RIMS2: variants seen among roughly 807,000 people sequenced by gnomAD.
RIMS2 encodes regulating synaptic membrane exocytosis protein 2.
In RIMS2, 59 loss-of-function variants were observed where a neutral mutation model predicts 174.4. The ratio of observed to expected loss-of-function variants is 0.34; its 90% CI spans 0.27 to 0.42. RIMS2 has a LOEUF of 0.42. Ranked by LOEUF, RIMS2 falls within the 10% of genes least tolerant of loss-of-function variation. The probability of loss-of-function intolerance (pLI) is 1.00; values close to 1 mark genes in which losing one functional copy is unlikely to be tolerated. For missense variants in RIMS2, 1,620 were observed against 1,666.3 expected, an observed-to-expected ratio of 0.97 and a Z score of 0.48; for synonymous variants, 606 against 572.5, an observed-to-expected ratio of 1.06 and a Z score of -0.84.
At chr8:104,081,145 T>TTTTA (rs2097410708) in intron 19 of RIMS2, among the ~76,000 whole-genome samples, 1 of 152,046 alleles carries the variant, frequency 6.6e-6, no homozygotes, top group African/African-American at 2.4e-5. Flanking sequence ...GATTTTATGA[T>TTTTA]TGGCCATTTT....
chr8:104,188,022 C>A (rs947712648), intron 19 of RIMS2, among the ~76,000 whole-genome samples: 4 of 151,652 alleles, frequency 2.6e-5, no homozygotes, highest in Non-Finnish European at 4.4e-5. Flanking sequence ...AGTTGGGCTG[C>A]AGATATAACA....
chr8:103,762,718 G>C (rs946894416), intron 2 of RIMS2, among the ~76,000 whole-genome samples: 1 of 152,120 alleles, frequency 6.6e-6, no homozygotes, highest in African/African-American at 2.4e-5. Flanking sequence ...TACAGCCCAA[G>C]AAGTGCATCA....
intron 3 of RIMS2, among the ~76,000 whole-genome samples, chr8:103,884,687 ATTAT>A (rs2099189372): frequency 6.6e-6 from 1 of 151,920 alleles, no homozygotes; most frequent in Non-Finnish European, 1.5e-5. Flanking sequence ...ATAAATCATT[ATTAT>A]TTGTCTATTT....
At chr8:103,820,301 T>C (rs1228118963) in intron 3 of RIMS2, among the ~76,000 whole-genome samples, 1 of 152,048 alleles carries the variant, frequency 6.6e-6, no homozygotes, top group Non-Finnish European at 1.5e-5. Context: ...GGAATGCAGT[T>C]TTATCATCCA....
intron 3 of RIMS2, among the ~76,000 whole-genome samples, chr8:103,806,746 T>C (rs767754124): frequency 2.6e-5 from 4 of 151,932 alleles, no homozygotes; most frequent in Non-Finnish European, 5.9e-5. Context: ...ACTAGAATTA[T>C]AGTAGTGAGA....
intron 1 of RIMS2, among the ~76,000 whole-genome samples, chr8:103,573,707 A>T (rs990566293): frequency 4.6e-5 from 7 of 151,720 alleles, no homozygotes; most frequent in Non-Finnish European, 1.0e-4. Context: ...TCTTTTTTGG[A>T]TCCATATGAA....
intron 1 of RIMS2, among the ~76,000 whole-genome samples, chr8:103,612,977 G>A (rs1355980170): frequency 3.3e-5 from 5 of 152,138 alleles, no homozygotes; most frequent in Non-Finnish European, 7.4e-5. Flanking sequence ...TTGTGGCTAC[G>A]ACCACTGATA....
At chr8:103,906,183 T>C (rs1429648559) in intron 4 of RIMS2, among the ~76,000 whole-genome samples, 1 of 152,200 alleles carries the variant, frequency 6.6e-6, no homozygotes, top group Non-Finnish European at 1.5e-5. Flanking sequence ...GACACTAATT[T>C]TACTTATTCA....
intron 1 of RIMS2, chr8:103,568,853 T>G (rs185981014): frequency 2.6e-6 from 3 of 1,158,722 alleles, no homozygotes; most frequent in East Asian, 5.3e-5. Context: ...CTGGCTGGTC[T>G]TTGTTAATTG....
chr8:104,082,988 A>C (rs1264920556), intron 19 of RIMS2, among the ~76,000 whole-genome samples: 1 of 152,150 alleles, frequency 6.6e-6, no homozygotes, highest in Non-Finnish European at 1.5e-5. Context: ...TAGTAGTCCA[A>C]GCAAGAGGTA....
intron 19 of RIMS2, among the ~76,000 whole-genome samples, chr8:104,057,387 C>T (rs1026138157): frequency 1.2e-4 from 18 of 151,828 alleles, no homozygotes; most frequent in Non-Finnish European, 2.9e-5. Context: ...TTTTTAATAT[C>T]GAAACCTAAA....
chr8:104,164,789 T>G (rs1320172815), intron 19 of RIMS2, among the ~76,000 whole-genome samples: 1 of 152,058 alleles, frequency 6.6e-6, no homozygotes, highest in Non-Finnish European at 1.5e-5. Context: ...CAACACACAC[T>G]GGGGTGTGTC....
intron 13 of RIMS2, among the ~76,000 whole-genome samples, chr8:103,938,529 T>C (rs986094593): frequency 6.6e-6 from 1 of 152,020 alleles, no homozygotes; most frequent in Non-Finnish European, 1.5e-5. Context: ...AAGAGGAGAT[T>C]TGGGTGGGGA....
At chr8:103,613,776 T>C (rs1318127682) in intron 1 of RIMS2, among the ~76,000 whole-genome samples, 1 of 152,108 alleles carries the variant, frequency 6.6e-6, no homozygotes, top group Non-Finnish European at 1.5e-5. Flanking sequence ...CCAAAGCTAG[T>C]ACTGGATTCT....
intron 1 of RIMS2, among the ~76,000 whole-genome samples, chr8:103,606,453 G>T (rs1257746186): frequency 2.6e-5 from 4 of 152,032 alleles, no homozygotes; most frequent in African/African-American, 7.3e-5. Context: ...AGTGTGGTGT[G>T]GTGCTGAAAA....
intron 11 of RIMS2, among the ~76,000 whole-genome samples, chr8:103,929,799 G>A (rs1228367336): frequency 1.3e-5 from 2 of 151,792 alleles, no homozygotes; most frequent in African/African-American, 4.8e-5. Flanking sequence ...CTGTATCTAT[G>A]TTCTAATATT....
chr8:103,558,045 A>G (rs2090833980), intron 1 of RIMS2, among the ~76,000 whole-genome samples: 1 of 152,192 alleles, frequency 6.6e-6, no homozygotes, highest in Non-Finnish European at 1.5e-5. Context: ...AAAGGTGCAT[A>G]AAGTACCTTT....
At chr8:104,064,774 A>G (rs1187252136) in intron 19 of RIMS2, among the ~76,000 whole-genome samples, 4 of 152,038 alleles carry the variant, frequency 2.6e-5, no homozygotes, top group Admixed American at 2.6e-4. Flanking sequence ...ATTTACAAAC[A>G]TGTAAAAACT....
intron 12 of RIMS2, among the ~76,000 whole-genome samples, chr8:103,931,790 T>G (rs1458243835): frequency 6.6e-6 from 1 of 152,100 alleles, no homozygotes; most frequent in Non-Finnish European, 1.5e-5. Context: ...AGTACTCATT[T>G]TAATACAATT....
Sources: allele counts gnomAD v4.1 joint callset (sites outside exome capture counted in the v4.1 genomes callset), GRCh38; gene constraint gnomAD v4.1.1; transcripts MANE v1.5; gene names NCBI Gene and HGNC (gene_info 2026-07-23, HGNC 2026-07-21).